The following MYO18B variants were observed in gnomAD, a reference collection of about 807,000 sequenced individuals.
MYO18B encodes unconventional myosin-XVIIIb.
In MYO18B, 204 loss-of-function variants were observed where a neutral mutation model predicts 273.0. That is an observed-to-expected ratio of 0.75 (90% CI 0.67 to 0.84). The LOEUF (loss-of-function observed/expected upper bound fraction) is 0.84, where lower values mean the gene tolerates loss of function less well. Among genes scored for constraint, MYO18B ranks in the 40% least tolerant of loss-of-function variants. The pLI is 0.00. For synonymous variants in MYO18B, 1,330 were observed against 1,305.7 expected, an observed-to-expected ratio of 1.02 and a Z score of -0.40; for missense variants, 3,212 against 3,287.6, an observed-to-expected ratio of 0.98 and a Z score of 0.56.
At chr22:25,912,101 T>G (rs1286157436) in intron 33 of MYO18B, among the ~76,000 whole-genome samples, 1 of 152,250 alleles carries the variant, frequency 6.6e-6, no homozygotes, top group Non-Finnish European at 1.5e-5. Flanking sequence ...GTGATCATCT[T>G]GGGCAGCCAT....
intron 28 of MYO18B, chr22:25,897,989 G>A (rs1349396629): frequency 2.8e-5 from 7 of 248,706 alleles, no homozygotes; most frequent in Non-Finnish European, 5.4e-5. Flanking sequence ...GAGTTATCCG[G>A]TGGCTCAGGG....
At chr22:25,821,805 A>C (rs118031566) in intron 12 of MYO18B, among the ~76,000 whole-genome samples, 4,837 of 151,412 alleles carry the variant, frequency 0.032, 140 homozygotes, top group East Asian at 0.12. Flanking sequence ...CAAAACAAAC[A>C]AAAAAAAGAA....
intron 42 of MYO18B, among the ~76,000 whole-genome samples, chr22:26,007,269 G>C (rs1432445546): frequency 1.3e-5 from 2 of 152,210 alleles, no homozygotes; most frequent in African/African-American, 4.8e-5. Context: ...GAGCATCAAG[G>C]CTGGAGCAGA....
intron 22 of MYO18B, among the ~76,000 whole-genome samples, chr22:25,870,408 A>G (rs575771365): frequency 6.6e-6 from 1 of 152,366 alleles, no homozygotes; most frequent in African/African-American, 2.4e-5. Flanking sequence ...AGGCAGTTGT[A>G]ATACAATGGT....
At chr22:25,809,643 C>T (rs865959047) in intron 12 of MYO18B, among the ~76,000 whole-genome samples, 5 of 152,070 alleles carry the variant, frequency 3.3e-5, no homozygotes, top group Non-Finnish European at 4.4e-5. Flanking sequence ...GTTATCAGTG[C>T]TGGAATGGAT....
At chr22:26,010,361 A>C (rs1445569881) in intron 42 of MYO18B, among the ~76,000 whole-genome samples, 4 of 152,140 alleles carry the variant, frequency 2.6e-5, no homozygotes, top group African/African-American at 9.7e-5. Flanking sequence ...CCCAGAGTGC[A>C]GGTTGAGGGC....
chr22:25,811,807 T>C lies in MYO18B; in HGVS notation c.2522-11698T>C, dbSNP rs988248253. 2.0e-5 allele frequency among the ~76,000 whole-genome samples: 3 copies of C among 152,230 alleles called. No homozygotes were observed. The East Asian group carries it at 5.8e-4, about 29-fold the overall frequency. ...TTTGGTATTATAAATAACAGCACAC[T>C]GAACATCCTTGTGTACAGACAGTTG... is the stretch of plus-strand genomic sequence containing the variant. On this transcript the variant is annotated intron_variant, in intron 12 of 43. Coordinates refer to ENST00000335473, the MANE Select transcript of MYO18B (RefSeq NM_032608.7).
At chr22:25,874,558 T>A in intron 23 of MYO18B, 144 bp downstream of exon 23, 1 of 1,028,048 alleles carries the variant, frequency 9.7e-7, no homozygotes, top group Non-Finnish European at 1.4e-6. Context: ...CTTTGCAAGA[T>A]GTTATGACTG....
chr22:25,952,341 C>G lies in MYO18B; in HGVS notation c.5888C>G (p.Ala1963Gly). 6.2e-7 allele frequency: 1 copy of G among 1,612,082 alleles called. No homozygotes were observed. The highest frequency in any genetic ancestry group is 8.5e-7 in the Non-Finnish European group (1 of 1,179,182). Residue 1963 changes from alanine (A) to glycine (G), a missense_variant, in exon 38 of 44, where the codon GCC (alanine) becomes GGC (glycine). By Grantham distance (60) the Ala-to-Gly change is moderately conservative. Coordinates refer to ENST00000335473, the MANE Select transcript of MYO18B (RefSeq NM_032608.7). Reference protein sequence around the residue: ...EYLEQSTVDRAIVSRQEAVIC... With the variant: ...EYLEQSTVDRGIVSRQEAVIC... ...CTGGAACAGTCCACCGTGGATCGAG[C>G]CATCGTCAGCAGGCAGGAGGCGGTC...
At chr22:26,031,872 T>G (rs58463868), downstream of MYO18B, among the ~76,000 whole-genome samples, 17,373 of 152,184 alleles carry the variant, frequency 0.11, 1,159 homozygotes, top group African/African-American at 0.19. Flanking sequence ...CTCCCACTTA[T>G]TGAATCCACC....
At chr22:26,023,691 C>T (rs1279721853) in intron 42 of MYO18B, among the ~76,000 whole-genome samples, 2 of 152,156 alleles carry the variant, frequency 1.3e-5, no homozygotes, top group Non-Finnish European at 2.9e-5. Flanking sequence ...GTGGATGAGA[C>T]AGAGCATCCA....
At chr22:25,972,142 A>G (rs2093042270) in intron 39 of MYO18B, among the ~76,000 whole-genome samples, 1 of 150,866 alleles carries the variant, frequency 6.6e-6, no homozygotes. Flanking sequence ...TATATATATA[A>G]ATAAAATATA....
intron 37 of MYO18B, 90 bp from the exon 38 acceptor site, chr22:25,952,196 C>A (rs561973837): frequency 2.2e-5 from 31 of 1,431,068 alleles, no homozygotes; most frequent in Non-Finnish European, 3.0e-5. Context: ...GTGAATAGCT[C>A]CTCCCACCCT....
intron 3 of MYO18B, among the ~76,000 whole-genome samples, chr22:25,764,564 C>T (rs1229439156): frequency 6.6e-6 from 1 of 152,216 alleles, no homozygotes; most frequent in Non-Finnish European, 1.5e-5. Flanking sequence ...CATGTGCCTG[C>T]ACCTGTCTGA....
At chr22:25,996,715 A>G (rs960632476) in intron 40 of MYO18B, among the ~76,000 whole-genome samples, 1 of 152,178 alleles carries the variant, frequency 6.6e-6, no homozygotes, top group Non-Finnish European at 1.5e-5. Flanking sequence ...AGAGGAAGGC[A>G]TTGGAATTAA....
intron 39 of MYO18B, among the ~76,000 whole-genome samples, chr22:25,982,851 C>G (rs2093163601): frequency 6.6e-6 from 1 of 152,174 alleles, no homozygotes; most frequent in South Asian, 2.1e-4. Flanking sequence ...CGGATTAGAT[C>G]ATAGACATCT....
At chr22:25,832,617 T>C (rs928941340) in intron 15 of MYO18B, among the ~76,000 whole-genome samples, 6 of 152,018 alleles carry the variant, frequency 3.9e-5, no homozygotes, top group African/African-American at 1.5e-4. Context: ...GAGAAGGAAA[T>C]AGGGAGTTAA....
At position 25,768,401 on chromosome 22, in the gene MYO18B, C is replaced by G; in HGVS notation, c.485C>G (p.Pro162Arg). The G allele has an allele frequency of 1.2e-6, 2 of 1,613,728 alleles. No homozygotes were observed. Among genetic ancestry groups the G allele is most frequent in the Non-Finnish European group, 1.7e-6 (2 of 1,179,836 alleles). The change falls in exon 4 of 44, where the codon CCG (proline) becomes CGG (arginine). Residue 162 changes from proline to arginine, a missense_variant. By Grantham distance (103) the Pro-to-Arg change is moderately radical (BLOSUM62 -2). Coordinates refer to ENST00000335473, the MANE Select transcript of MYO18B (RefSeq NM_032608.7). ...DVLLMVAKLD[P>R]DSAKPEKTHP... ...TTGTTGATGGTGGCCAAGCTGGACC[C>G]GGACTCAGCCAAGCCAGAGAAGACT... is the stretch of plus-strand genomic sequence containing the variant.
intron 21 of MYO18B, among the ~76,000 whole-genome samples, chr22:25,867,428 G>A (rs572444188): frequency 8.0e-4 from 122 of 152,234 alleles, no homozygotes; most frequent in African/African-American, 2.3e-3. Context: ...TGTCCTTGAG[G>A]TTCATCCATG....
Sources: allele counts gnomAD v4.1 joint callset (sites outside exome capture counted in the v4.1 genomes callset), GRCh38; gene constraint gnomAD v4.1.1; transcripts MANE v1.5; gene names NCBI Gene and HGNC (gene_info 2026-07-23, HGNC 2026-07-21).